Variants in LOXHD1 observed in about 807,000 individuals in gnomAD.
The protein encoded by LOXHD1 is lipoxygenase homology PLAT domains 1, also known as lipoxygenase homology domain-containing protein 1.
In LOXHD1, 205 loss-of-function variants were observed where a neutral mutation model predicts 248.2. The ratio of observed to expected loss-of-function variants is 0.83; its 90% confidence interval spans 0.74 to 0.93. LOXHD1 has a LOEUF of 0.93. LOXHD1 is among the 40% of genes least tolerant of loss of function. The pLI, the probability that LOXHD1 is intolerant of heterozygous loss-of-function variation, is 0.00. For synonymous variants in LOXHD1, 1,113 were observed against 1,162.8 expected (o/e 0.96, Z 0.87); for missense variants, 2,930 against 2,971.6 (o/e 0.99, Z 0.33).
At chr18:46,610,086 T>C (rs1374278624) in intron 6 of LOXHD1, among the ~76,000 whole-genome samples, 1 of 152,136 alleles carries the variant, frequency 6.6e-6, no homozygotes, top group Admixed American at 6.5e-5. Context: ...AAATGAATGC[T>C]ATAAGCAAGC....
intron 16 of LOXHD1, among the ~76,000 whole-genome samples, chr18:46,568,377 T>C (rs2037685282): frequency 1.3e-5 from 2 of 152,164 alleles, no homozygotes; most frequent in African/African-American, 2.4e-5. Flanking sequence ...TTGGCCAAAC[T>C]CTAGCCAGGC....
chr18:46,496,829 C>A (rs1206842430), intron 37 of LOXHD1, among the ~76,000 whole-genome samples: 1 of 151,798 alleles, frequency 6.6e-6, no homozygotes, highest in Non-Finnish European at 1.5e-5. Flanking sequence ...ATGATGAAAC[C>A]CCGCCTCTAC....
intron 4 of LOXHD1, among the ~76,000 whole-genome samples, chr18:46,620,029 C>G (rs1439856125): frequency 6.6e-6 from 1 of 152,202 alleles, no homozygotes; most frequent in Non-Finnish European, 1.5e-5. Context: ...ACTGGAGCCA[C>G]ACTCAGGTTA....
rs894559249 is a variant in LOXHD1 at position 46,639,948 on chromosome 18, T to C, written c.327-148A>G. On this transcript the variant is annotated intron_variant, in intron 3 of 40. Transcript: ENST00000642948. The stretch of plus-strand genomic sequence containing the variant: ...TATCTCCTGAACCTCGGTTTCCTCA[T>C]CTATAAAATGGGGATACCTTGCAAG... The C allele has an allele frequency of 6.2e-6, 6 of 968,582 alleles. No individual in the cohort carries two copies. The Admixed American group carries it at 9.1e-5, about 15-fold the overall frequency. The allele number at this position is 968,582 out of a possible 1,614,324, so 60.0% of individuals were successfully genotyped here. A position where few individuals can be genotyped will look rare whatever the true frequency, so the allele number is the denominator to read the frequency against.
intron 1 of LOXHD1, among the ~76,000 whole-genome samples, chr18:46,651,859 C>G (rs1340626391): frequency 6.6e-6 from 1 of 152,172 alleles, no homozygotes; most frequent in South Asian, 2.1e-4. Context: ...TAAGTGTACA[C>G]TTAATACCCA....
intron 31 of LOXHD1, among the ~76,000 whole-genome samples, chr18:46,522,756 T>C (rs774798106): frequency 3.9e-5 from 6 of 152,176 alleles, no homozygotes; most frequent in Non-Finnish European, 8.8e-5. Flanking sequence ...AAATGTATCA[T>C]ATATGCCACA....
In LOXHD1 at chr18:46,560,459, G is replaced by A. The variant is rs779692850; in HGVS notation, c.2685C>T (p.Thr895=). 2.6e-6 allele frequency: 4 copies of A among 1,542,284 alleles called. No homozygotes were observed. The highest frequency in any genetic ancestry group is 2.4e-5 in the South Asian group (2 of 84,050). ...EGFGPSWFVD[T]VWLRHLVVRE... ...GCACCACCAGGTGCCGCAGCCACACGGTGTCCACGAACCAGCTGGGCCCAA... is the reference window on the plus strand; with the variant it reads ...GCACCACCAGGTGCCGCAGCCACACAGTGTCCACGAACCAGCTGGGCCCAA... The change falls in exon 19 of 41, where the codon ACC becomes ACT. Residue 895 remains threonine (T), a synonymous_variant. Coordinates refer to ENST00000642948, the MANE Select transcript of LOXHD1 (RefSeq NM_001384474.1).
intron 40 of LOXHD1, among the ~76,000 whole-genome samples, chr18:46,480,204 G>A (rs919407179): frequency 6.6e-6 from 1 of 151,972 alleles, no homozygotes; most frequent in African/African-American, 2.4e-5. Context: ...TTTTCTAAAC[G>A]TACTTTTTTT....
intron 40 of LOXHD1, among the ~76,000 whole-genome samples, chr18:46,482,496 CA>C (rs1471985136): frequency 2.6e-5 from 4 of 152,320 alleles, no homozygotes; most frequent in African/African-American, 9.6e-5. Context: ...TTCCAGCCTC[CA>C]AAGCTGTGAG....
intron 31 of LOXHD1, 23 bp downstream of exon 31, chr18:46,524,443 A>G: frequency 1.3e-6 from 2 of 1,543,104 alleles, no homozygotes; most frequent in Non-Finnish European, 8.8e-7. Flanking sequence ...GCCCCCGTCC[A>G]AAGAGCTCCC....
chr18:46,477,220 ACT>A (rs1218529484), downstream of LOXHD1: 5 of 727,628 alleles, frequency 6.9e-6, no homozygotes, highest in Non-Finnish European at 1.3e-5. Context: ...CCTGGTCACT[ACT>A]GTTATTACAG....
At chr18:46,560,048 T>TCCCGGGCCC in intron 19 of LOXHD1, 35 bp downstream of exon 19, 1 of 1,226,296 alleles carries the variant, frequency 8.2e-7, no homozygotes, top group Non-Finnish European at 1.1e-6. Context: ...GTCTGGCCAC[T>TCCCGGGCCC]CCCTCCCCAC....
chr18:46,582,632 C>T (rs1369193007), intron 12 of LOXHD1, among the ~76,000 whole-genome samples: 1 of 152,178 alleles, frequency 6.6e-6, no homozygotes, highest in African/African-American at 2.4e-5. Flanking sequence ...TTTAATTAGA[C>T]TAAACATTTC....
intron 2 of LOXHD1, among the ~76,000 whole-genome samples, chr18:46,645,036 A>G (rs1468718143): frequency 6.6e-6 from 1 of 152,228 alleles, no homozygotes; most frequent in Non-Finnish European, 1.5e-5. Flanking sequence ...GGCTTTCCAC[A>G]TCACAAGAAG....
At chr18:46,512,839 T>C (rs1423755856) in intron 34 of LOXHD1, among the ~76,000 whole-genome samples, 2 of 152,208 alleles carry the variant, frequency 1.3e-5, no homozygotes, top group Non-Finnish European at 2.9e-5. Context: ...GGGTCCTCAA[T>C]GGAATACTAT....
chr18:46,536,998 A>G (rs1412759573), intron 26 of LOXHD1, among the ~76,000 whole-genome samples: 3 of 151,210 alleles, frequency 2.0e-5, no homozygotes, highest in African/African-American at 7.3e-5. Context: ...GTTACATCAC[A>G]CTCCTCCCAT....
intron 37 of LOXHD1, among the ~76,000 whole-genome samples, chr18:46,504,918 T>G (rs779005629): frequency 6.6e-5 from 10 of 152,206 alleles, no homozygotes; most frequent in Non-Finnish European, 1.3e-4. Flanking sequence ...ATTTAATATT[T>G]AACAACTCTA....
At position 46,541,950 on chromosome 18, in the gene LOXHD1, G is replaced by C. The variant is rs1191922946; in HGVS notation, c.3749-10C>G. ...CAGCCTGGGGCCTTGCCTAGAGAGAGAGGAGACACAAAACCCATCAAGGAC... is the reference window on the plus strand; with the variant it reads ...CAGCCTGGGGCCTTGCCTAGAGAGACAGGAGACACAAAACCCATCAAGGAC... On this transcript the variant is annotated splice_polypyrimidine_tract_variant and intron_variant, in intron 24 of 40. Coordinates refer to ENST00000642948, the MANE Select transcript of LOXHD1 (RefSeq NM_001384474.1). 3.9e-6 allele frequency: 6 copies of C among 1,548,464 alleles called. No individual in the cohort carries two copies. In the South Asian group the frequency reaches 7.2e-5, roughly 18 times the overall value.
intron 38 of LOXHD1, 71 bp downstream of exon 38, chr18:46,488,901 C>T: frequency 6.7e-7 from 1 of 1,492,230 alleles, no homozygotes; most frequent in Non-Finnish European, 9.0e-7. Flanking sequence ...CCCCCTCCAG[C>T]TGGAACGGTG....
Sources: gnomAD v4.1 joint callset for allele counts (sites outside exome capture counted in the v4.1 genomes callset) on GRCh38, gnomAD v4.1.1 for gene constraint, MANE v1.5 for transcripts, NCBI Gene and HGNC (gene_info 2026-07-23, HGNC 2026-07-21) for gene names.